Variants in SPIDR observed in about 807,000 individuals in gnomAD.
SPIDR encodes DNA repair-scaffolding protein.
A neutral mutation model predicts 104.6 loss-of-function variants in SPIDR; 93 were observed. That is an observed-to-expected ratio of 0.89 (90% CI 0.75 to 1.06). The LOEUF is 1.06. Ranked by LOEUF, SPIDR falls within the 50% of genes least tolerant of loss-of-function variation. The pLI is 0.00. For missense variants in SPIDR, 1,154 were observed against 1,111.2 expected (o/e 1.04, Z -0.55); for synonymous variants, 431 against 416.9 (o/e 1.03, Z -0.41).
chr8:47,688,016 A>AGTATGTGT (rs1554578541), intron 11 of SPIDR, among the ~76,000 whole-genome samples: 1 of 145,676 alleles, frequency 6.9e-6, no homozygotes, highest in African/African-American at 2.5e-5. Flanking sequence ...AAAAAAAAAA[A>AGTATGTGT]GTGTGTGTGT....
At chr8:47,394,501 A>T (rs2061016421) in intron 5 of SPIDR, among the ~76,000 whole-genome samples, 2 of 152,084 alleles carry the variant, frequency 1.3e-5, no homozygotes, top group South Asian at 4.1e-4. Context: ...ACTTCCGGAG[A>T]CCTTTTTGAT....
chr8:47,391,853 G>T (rs1485690821), intron 5 of SPIDR, among the ~76,000 whole-genome samples: 1 of 151,926 alleles, frequency 6.6e-6, no homozygotes, highest in Admixed American at 6.5e-5. Context: ...AAAATTAGCT[G>T]GGCGTAGTGG....
chr8:47,384,987 T>C (rs781897810), intron 5 of SPIDR, among the ~76,000 whole-genome samples: 1 of 152,188 alleles, frequency 6.6e-6, no homozygotes, highest in Non-Finnish European at 1.5e-5. Context: ...CATTTTGTTT[T>C]GTTTTGTTTC....
At chr8:47,280,147 T>C (rs2037428282) in intron 2 of SPIDR, 130 bp downstream of exon 2, 3 of 777,166 alleles carry the variant, frequency 3.9e-6, no homozygotes, top group Non-Finnish European at 5.6e-6. Context: ...GTACACTCCT[T>C]TTCTTGCCTT....
chr8:47,604,940 T>G (rs1040932859), intron 10 of SPIDR, among the ~76,000 whole-genome samples: 2 of 152,212 alleles, frequency 1.3e-5, no homozygotes, highest in Non-Finnish European at 2.9e-5. Context: ...GTATGTACAT[T>G]CATTTTGTTT....
chr8:47,656,214 T>C (rs1334998391), intron 10 of SPIDR, among the ~76,000 whole-genome samples: 5 of 152,142 alleles, frequency 3.3e-5, no homozygotes, highest in African/African-American at 1.2e-4. Context: ...TAAATGAGAC[T>C]TCATCGAAAT....
rs2058719509 is a variant in SPIDR at position 47,573,177 on chromosome 8, C to T, written c.1098-22634C>T. Among the ~76,000 whole-genome samples, 7 of 152,150 alleles carry T rather than the reference C, an allele frequency of 4.6e-5. No homozygotes were observed. The South Asian group carries it at 1.5e-3, about 32-fold the overall frequency. The stretch of plus-strand genomic sequence containing the variant: ...ACAGTGAAGTTACGAGTGAAAAGTC[C>T]ACTTGGTGTTTGTCCTGATTGTTTT... On this transcript the variant is annotated intron_variant, in intron 8 of 19. Transcript: ENST00000297423.
intron 5 of SPIDR, among the ~76,000 whole-genome samples, chr8:47,385,166 ATTG>A (rs2059742441): frequency 6.6e-6 from 1 of 152,222 alleles, no homozygotes; most frequent in Non-Finnish European, 1.5e-5. Context: ...AGAATTAATC[ATTG>A]TTGTTTCTTG....
Position 47,596,015 on chromosome 8 carries a change from C to G in SPIDR, c.1293+9C>G, listed in dbSNP as rs2061587553. On this transcript the variant is annotated intron_variant, in intron 9 of 19. Coordinates refer to ENST00000297423, the MANE Select transcript of SPIDR (RefSeq NM_001080394.4). ...ATTCACCTGAAATCCAGGTAAACTC[C>G]TATTGGCCTAAAGGTTTTATGCTTG... 2 of 1,605,360 alleles carry G rather than the reference C, an allele frequency of 1.2e-6. No homozygotes were observed. Among genetic ancestry groups the G allele is most frequent in the African/African-American group, 2.7e-5 (2 of 74,276 alleles).
At chr8:47,506,260 G>A (rs138184360) in intron 8 of SPIDR, among the ~76,000 whole-genome samples, 1,624 of 152,318 alleles carry the variant, frequency 0.011, 19 homozygotes, top group Non-Finnish European at 0.014. Flanking sequence ...GCATGTTTGT[G>A]TGTTCTGTGT....
At chr8:47,520,233 T>C (rs2083854393) in intron 8 of SPIDR, among the ~76,000 whole-genome samples, 1 of 152,218 alleles carries the variant, frequency 6.6e-6, no homozygotes, top group East Asian at 1.9e-4. Context: ...CTGTATACAT[T>C]CCTGCATTGA....
intron 8 of SPIDR, among the ~76,000 whole-genome samples, chr8:47,515,799 C>G (rs1564198976): frequency 6.6e-6 from 1 of 152,212 alleles, no homozygotes; most frequent in Non-Finnish European, 1.5e-5. Context: ...TATACACATA[C>G]AGTCCATGAA....
chr8:47,494,239 CA>C (rs2079123804), intron 8 of SPIDR, among the ~76,000 whole-genome samples: 1 of 151,850 alleles, frequency 6.6e-6, no homozygotes, highest in Non-Finnish European at 1.5e-5. Context: ...CCTCCTGCCT[CA>C]GCCTCCTAAT....
intron 5 of SPIDR, among the ~76,000 whole-genome samples, chr8:47,312,389 C>T (rs1326322852): frequency 2.0e-5 from 3 of 152,092 alleles, no homozygotes; most frequent in East Asian, 1.9e-4. Context: ...CTGTTGTTTC[C>T]TGACTTTTTA....
chr8:47,498,287 A>G (rs936333866), intron 8 of SPIDR, among the ~76,000 whole-genome samples: 35 of 152,180 alleles, frequency 2.3e-4, no homozygotes, highest in African/African-American at 7.7e-4. Context: ...GTAATGAGCA[A>G]CAAAGGCACT....
intron 8 of SPIDR, among the ~76,000 whole-genome samples, chr8:47,505,740 C>T (rs950937247): frequency 6.6e-6 from 1 of 152,190 alleles, no homozygotes; most frequent in African/African-American, 2.4e-5. Flanking sequence ...TGTTCCTATT[C>T]GGTACAGCAG....
At chr8:47,502,762 T>C (rs544457043) in intron 8 of SPIDR, among the ~76,000 whole-genome samples, 2 of 152,360 alleles carry the variant, frequency 1.3e-5, no homozygotes, top group East Asian at 3.9e-4. Flanking sequence ...CTGCTTTCTC[T>C]TATGGGCATT....
At chr8:47,479,682 C>T (rs770357405) in intron 8 of SPIDR, among the ~76,000 whole-genome samples, 7 of 152,182 alleles carry the variant, frequency 4.6e-5, no homozygotes, top group Non-Finnish European at 1.0e-4. Context: ...CCAGCCTGCT[C>T]TTTTCAGACC....
chr8:47,486,225 A>G (rs558848627), intron 8 of SPIDR, among the ~76,000 whole-genome samples: 32 of 152,390 alleles, frequency 2.1e-4, no homozygotes, highest in Admixed American at 3.3e-4. Flanking sequence ...TCAGAAGCCT[A>G]TTTGATCAAC....
Sources: gnomAD v4.1 joint callset for allele counts (sites outside exome capture counted in the v4.1 genomes callset) on GRCh38, gnomAD v4.1.1 for gene constraint, MANE v1.5 for transcripts, NCBI Gene and HGNC (gene_info 2026-07-23, HGNC 2026-07-21) for gene names.